C4orf50: variants seen among roughly 807,000 people sequenced by gnomAD.
The protein encoded by C4orf50 is chromosome 4 open reading frame 50.
Under a neutral mutation model 77.2 loss-of-function variants are expected in C4orf50, and 80 were observed. The ratio of observed to expected loss-of-function variants is 1.04; its 90% CI spans 0.87 to 1.25. C4orf50 has a LOEUF of 1.25. C4orf50 is among the 50% of genes most tolerant of loss of function. The probability of loss-of-function intolerance (pLI) is 0.00; values close to 1 mark genes in which losing one functional copy is unlikely to be tolerated. For synonymous variants in C4orf50, 532 were observed against 465.3 expected (o/e 1.14, Z -1.84); for missense variants, 1,257 against 1,152.9 (o/e 1.09, Z -1.31).
downstream of C4orf50, among the ~76,000 whole-genome samples, chr4:5,955,295 C>A (rs933094699): frequency 2.0e-5 from 3 of 151,988 alleles, no homozygotes; most frequent in African/African-American, 7.2e-5. This position sits in a 1 kb window ranked among gnomAD's most constrained non-coding sequence, Gnocchi z 5.1. Flanking sequence ...GATGAAATCA[C>A]CGAGGCGGGG....
intron 28 of C4orf50, among the ~76,000 whole-genome samples, chr4:5,987,760 A>G (rs796290569): frequency 6.6e-6 from 1 of 152,164 alleles, no homozygotes. Flanking sequence ...TATCCTACAC[A>G]TGGTGAAGGC....
At chr4:6,004,102 T>C (rs1722046860) in intron 25 of C4orf50, among the ~76,000 whole-genome samples, 29 of 114,970 alleles carry the variant, frequency 2.5e-4, no homozygotes, top group African/African-American at 9.0e-4. Context: ...ATGGTGATGA[T>C]GGTGATGGTG....
chr4:5,984,010 G>A (rs1382943533), intron 28 of C4orf50, among the ~76,000 whole-genome samples: 2 of 151,946 alleles, frequency 1.3e-5, no homozygotes, highest in Admixed American at 1.3e-4. Context: ...AGATTGCAGA[G>A]TTCTGGCAAA....
At chr4:5,915,424 C>T (rs1385857223) in intron 7 of C4orf50, among the ~76,000 whole-genome samples, 2 of 152,234 alleles carry the variant, frequency 1.3e-5, no homozygotes, top group Non-Finnish European at 2.9e-5. Context: ...TTTGTCATCT[C>T]CTAGACTAGA....
chr4:6,006,985 C>G (rs1271366921), intron 25 of C4orf50, among the ~76,000 whole-genome samples: 1 of 152,216 alleles, frequency 6.6e-6, no homozygotes, highest in Non-Finnish European at 1.5e-5. Context: ...AGGGACTGGA[C>G]TTCACAAGCA....
intron 25 of C4orf50, among the ~76,000 whole-genome samples, chr4:5,996,867 C>T (rs949244968): frequency 3.9e-5 from 6 of 152,276 alleles, no homozygotes; most frequent in Admixed American, 2.0e-4. Context: ...AGCTGTCCCA[C>T]GTTCTCACGG....
At chr4:5,907,811 A>C (rs1178210201) in intron 7 of C4orf50, among the ~76,000 whole-genome samples, 1 of 152,150 alleles carries the variant, frequency 6.6e-6, no homozygotes, top group Non-Finnish European at 1.5e-5. Flanking sequence ...AGAGAAGTAA[A>C]AAGGCCCTAA....
chr4:5,910,903 CTTTCTTTTTTTTTTTTTT>C (rs1311186708), intron 7 of C4orf50, among the ~76,000 whole-genome samples: 2 of 75,638 alleles, frequency 2.6e-5, no homozygotes, highest in Non-Finnish European at 5.2e-5. Flanking sequence ...TCTTCCCTTT[CTTTCTTTTTTTTTTTTTT>C]TTTTTTGAGA....
intron 7 of C4orf50, among the ~76,000 whole-genome samples, chr4:5,917,077 C>T (rs28452238): frequency 0.062 from 9,444 of 152,186 alleles, 566 homozygotes; most frequent in African/African-American, 0.15. Flanking sequence ...ATCATGCCTA[C>T]GCTACCAGAG....
At chr4:5,995,941 G>A (rs537460220) in intron 25 of C4orf50, among the ~76,000 whole-genome samples, 12 of 152,198 alleles carry the variant, frequency 7.9e-5, no homozygotes, top group African/African-American at 1.7e-4. Flanking sequence ...ACCCAGCATC[G>A]GACTCCTGGC....
intron 7 of C4orf50, among the ~76,000 whole-genome samples, chr4:5,950,865 A>G (rs913167458): frequency 2.0e-5 from 3 of 152,230 alleles, no homozygotes; most frequent in African/African-American, 7.2e-5. Context: ...AGCATTGATC[A>G]TGGGAATGAA....
chr4:5,946,422 A>G (rs1272968079), intron 7 of C4orf50, among the ~76,000 whole-genome samples: 2 of 143,080 alleles, frequency 1.4e-5, no homozygotes, highest in African/African-American at 4.8e-5. Context: ...CCTTCTCGTT[A>G]AAGAATAAAT....
At chr4:5,922,215 G>A (rs1044348472) in intron 7 of C4orf50, among the ~76,000 whole-genome samples, 1 of 152,208 alleles carries the variant, frequency 6.6e-6, no homozygotes, top group African/African-American at 2.4e-5. Context: ...GTGGGCCGGG[G>A]CCCACTGCGA....
At chr4:5,934,501 C>G (rs1717922135) in intron 7 of C4orf50, among the ~76,000 whole-genome samples, 1 of 152,144 alleles carries the variant, frequency 6.6e-6, no homozygotes, top group Admixed American at 6.5e-5. Flanking sequence ...GCCGTCTGGC[C>G]CCTGTCTACC....
At position 6,011,699 on chromosome 4, in the gene C4orf50, T is replaced by A. The variant is rs917211186; in HGVS notation, c.426+131A>T. 6 of 397,278 alleles carry A rather than the reference T, an allele frequency of 1.5e-5. No individual in the cohort carries two copies. Among genetic ancestry groups the A allele is most frequent in the Non-Finnish European group, 2.7e-5 (6 of 225,840 alleles). The allele number at this position is 397,278 out of a possible 1,614,324, so 24.6% of individuals were successfully genotyped here. ...CACGCCATGCACCATGAACGTAGGA[T>A]CTCTCTAACCCTCCTGACTGGGCTC... On this transcript the variant is annotated intron_variant, in intron 24 of 33. Coordinates refer to ENST00000531445, the Ensembl canonical transcript of C4orf50. The surrounding 1 kb of genome is among the most constrained non-coding windows in gnomAD (Gnocchi z 4.2).
chr4:5,982,956 T>C (rs1720674449), intron 28 of C4orf50, among the ~76,000 whole-genome samples: 1 of 152,122 alleles, frequency 6.6e-6, no homozygotes, highest in South Asian at 2.1e-4. Flanking sequence ...CCCGAGAGTC[T>C]CAGGGGCCAG....
intron 25 of C4orf50, among the ~76,000 whole-genome samples, chr4:6,003,194 G>A (rs4689285): frequency 0.72 from 109,099 of 152,110 alleles, 40,090 homozygotes; most frequent in African/African-American, 0.87. Context: ...GCTGGTAACC[G>A]CAGGCCCCAT....
chr4:5,968,059 G>A (rs979878957), intron 31 of C4orf50, among the ~76,000 whole-genome samples: 3 of 152,216 alleles, frequency 2.0e-5, no homozygotes, highest in Non-Finnish European at 4.4e-5. Flanking sequence ...CCTCTTGGGT[G>A]TTTCTGATGG....
Position 5,994,343 on chromosome 4 carries a change from G to GC in C4orf50, c.1093+3dup. ...GTCCTCCACGCACCGCGGTACCCGC[G>GC]CACCTGCTGGGGCCCTTTGTCTGGG... is the stretch of plus-strand genomic sequence containing the variant. On this transcript the variant is annotated splice_donor_region_variant and intron_variant, in intron 26 of 33. Transcript: ENST00000531445. 2.5e-6 allele frequency: 1 copy of GC among 399,248 alleles called. No homozygotes were observed. Among genetic ancestry groups the GC allele is most frequent in the Non-Finnish European group, 4.4e-6 (1 of 226,184 alleles). 24.7% of individuals were successfully genotyped at this position (399,248 alleles called of 1,614,324 possible).
Sources: gnomAD v4.1 joint callset for allele counts (sites outside exome capture counted in the v4.1 genomes callset) on GRCh38, gnomAD v4.1.1 for gene constraint, Gnocchi (gnomAD v3.1) non-coding constraint, MANE v1.5 for transcripts, NCBI Gene and HGNC (gene_info 2026-07-23, HGNC 2026-07-21) for gene names.